Variants in IL1RAPL1 observed in about 807,000 individuals in gnomAD.
IL1RAPL1 encodes the protein interleukin-1 receptor accessory protein-like 1.
Under a neutral mutation model 48.4 loss-of-function variants are expected in IL1RAPL1, and 3 were observed. The observed-to-expected ratio is 0.06, with a 90% CI of 0.03 to 0.16. The LOEUF is 0.16. IL1RAPL1 is among the 10% of genes least tolerant of loss of function. IL1RAPL1 has a pLI of 1.00. For synonymous variants in IL1RAPL1, 185 were observed against 187.7 expected, an observed-to-expected ratio of 0.99 and a Z score of 0.12; for missense variants, 349 against 530.6, an observed-to-expected ratio of 0.66 and a Z score of 3.36.
chrX:28,795,467 T>C (rs1022944541), intron 2 of IL1RAPL1, among the ~76,000 whole-genome samples: 1 of 111,051 alleles, frequency 9.0e-6, no homozygotes, highest in Non-Finnish European at 1.9e-5. Context: ...TGAATACCAA[T>C]TGTGGAAAAT....
At chrX:28,912,120 T>A (rs1007197010) in intron 2 of IL1RAPL1, among the ~76,000 whole-genome samples, 1 of 107,334 alleles carries the variant, frequency 9.3e-6, no homozygotes, top group African/African-American at 3.4e-5. Context: ...GTATCCTAGA[T>A]AATTTTAAGG....
At chrX:29,531,674 G>A (rs747346108) in intron 5 of IL1RAPL1, among the ~76,000 whole-genome samples, 3 of 112,106 alleles carry the variant, frequency 2.7e-5, no homozygotes, top group East Asian at 2.8e-4. Context: ...AGTTTTGGAA[G>A]TCCAGAAGTC....
Position 29,746,944 on chromosome X carries a change from T to TA in IL1RAPL1, c.778+78448dup, listed in dbSNP as rs1048668149. ...CTTTACTAATCATGAAACCCTATAT[T>TA]AAAAAAAACAAAACAATAAACTATT... On this transcript the variant is annotated intron_variant, in intron 6 of 10. Transcript: ENST00000378993. Among the ~76,000 whole-genome samples the TA allele has an allele frequency of 5.4e-5, 6 of 111,496 alleles. No individual in the cohort carries two copies. In the South Asian group the frequency reaches 1.1e-3, roughly 21 times the overall value.
chrX:29,718,455 G>A (rs1310153679), intron 6 of IL1RAPL1, among the ~76,000 whole-genome samples: 1 of 107,296 alleles, frequency 9.3e-6, no homozygotes, highest in Non-Finnish European at 1.9e-5. Flanking sequence ...GGGCCTGTTT[G>A]GGGGGTGGGG....
chrX:28,903,424 C>CTT lies in IL1RAPL1; in HGVS notation c.82+114014_82+114015dup, dbSNP rs199661606. On this transcript the variant is annotated intron_variant, in intron 2 of 10. Transcript: ENST00000378993. Reference sequence around the variant, plus strand: ...CTTCAGTCATGTATTTTCTTTCTTTCTTTTTTTTTTTTTTTTGTTTTGATC... The same window carrying CTT: ...CTTCAGTCATGTATTTTCTTTCTTTCTTTTTTTTTTTTTTTTTTGTTTTGATC... Among the ~76,000 whole-genome samples the CTT allele has an allele frequency of 8.0e-3, 797 of 100,037 alleles. 8 individuals carry two copies. Among genetic ancestry groups the CTT allele is most frequent in the African/African-American group, 0.027 (729 of 27,036 alleles). 86.9% of individuals were successfully genotyped at this position (100,037 alleles called of 115,157 possible). A position where few individuals can be genotyped will look rare whatever the true frequency, so the allele number is the denominator to read the frequency against.
At chrX:29,894,909 A>G (rs1372343778) in intron 6 of IL1RAPL1, among the ~76,000 whole-genome samples, 4 of 110,073 alleles carry the variant, frequency 3.6e-5, no homozygotes, top group African/African-American at 1.3e-4. Context: ...GCTCACTGCA[A>G]CCTCTGCCTC....
chrX:29,884,434 T>A (rs1340404445), intron 6 of IL1RAPL1, among the ~76,000 whole-genome samples: 1 of 110,457 alleles, frequency 9.1e-6, no homozygotes, highest in Admixed American at 9.6e-5. Flanking sequence ...CACATTCTCT[T>A]AGTTTCCCTC....
intron 6 of IL1RAPL1, among the ~76,000 whole-genome samples, chrX:29,820,092 A>T (rs1292880346): frequency 9.3e-6 from 1 of 107,240 alleles, no homozygotes; most frequent in African/African-American, 3.3e-5. Flanking sequence ...ATAAATATAT[A>T]TCAACACTTA....
At chrX:29,116,596 A>C (rs2147473969) in intron 2 of IL1RAPL1, among the ~76,000 whole-genome samples, 1 of 111,964 alleles carries the variant, frequency 8.9e-6, no homozygotes, top group African/African-American at 3.2e-5. Context: ...GGAGAAAGAT[A>C]AAGAAATGCC....
rs188735600 is a variant in IL1RAPL1 at position 29,222,290 on chromosome X, C to T, written c.83-60648C>T. Among the ~76,000 whole-genome samples, 475 of 111,842 alleles carry T rather than the reference C, an allele frequency of 4.2e-3. 3 individuals carry two copies. The highest frequency in any genetic ancestry group is 0.014 in the African/African-American group (431 of 30,815). ...AGGCCACAAACGTTAGCTGAAACCT[C>T]ATTTCTGCCTAACTTCTATAAATAT... On this transcript the variant is annotated intron_variant, in intron 2 of 10. Coordinates refer to ENST00000378993, the MANE Select transcript of IL1RAPL1 (RefSeq NM_014271.4).
At chrX:29,018,805 T>A (rs1283384268) in intron 2 of IL1RAPL1, among the ~76,000 whole-genome samples, 1 of 111,802 alleles carries the variant, frequency 8.9e-6, no homozygotes, top group Non-Finnish European at 1.9e-5. Context: ...AACCACCACA[T>A]TTTTTGCCAG....
intron 1 of IL1RAPL1, among the ~76,000 whole-genome samples, chrX:28,776,427 C>A (rs1256698487): frequency 1.8e-5 from 2 of 111,966 alleles, no homozygotes; most frequent in Non-Finnish European, 3.8e-5. Flanking sequence ...GCAGGAACCT[C>A]AGATAGTGAA....
At chrX:28,803,576 C>T (rs1936697423) in intron 2 of IL1RAPL1, among the ~76,000 whole-genome samples, 1 of 111,544 alleles carries the variant, frequency 9.0e-6, no homozygotes, top group Non-Finnish European at 1.9e-5. Context: ...CGTTTTCAAA[C>T]GAAAGGCATA....
At chrX:29,583,899 G>C (rs5927841) in intron 5 of IL1RAPL1, among the ~76,000 whole-genome samples, 2 of 110,489 alleles carry the variant, frequency 1.8e-5, no homozygotes. Flanking sequence ...CAGGCACTCA[G>C]AAGTAATTGT....
chrX:29,913,442 A>T (rs1423550169), intron 6 of IL1RAPL1, among the ~76,000 whole-genome samples: 1 of 109,998 alleles, frequency 9.1e-6, no homozygotes, highest in African/African-American at 3.3e-5. Context: ...ATAAACACAC[A>T]TATATATACA....
At chrX:28,645,342 C>T (rs1393287358) in intron 1 of IL1RAPL1, among the ~76,000 whole-genome samples, 5 of 64,490 alleles carry the variant, frequency 7.8e-5, no homozygotes, top group African/African-American at 2.6e-4. Flanking sequence ...AGTGAAATTC[C>T]GCCTCAAAAA....
At chrX:29,081,944 C>T (rs989624220) in intron 2 of IL1RAPL1, among the ~76,000 whole-genome samples, 4 of 110,490 alleles carry the variant, frequency 3.6e-5, no homozygotes, top group African/African-American at 1.3e-4. Context: ...TGTGAATATC[C>T]AAAGTGCAGA....
intron 2 of IL1RAPL1, among the ~76,000 whole-genome samples, chrX:28,792,631 C>T (rs1256813194): frequency 7.9e-5 from 8 of 101,210 alleles, no homozygotes; most frequent in Non-Finnish European, 1.2e-4. Context: ...ACTAAAAATA[C>T]AAAAAAATTA....
chrX:29,564,003 C>T (rs1342455243), intron 5 of IL1RAPL1, among the ~76,000 whole-genome samples: 1 of 111,717 alleles, frequency 9.0e-6, no homozygotes, highest in Non-Finnish European at 1.9e-5. Context: ...ATAGAAAGGT[C>T]ATGGCTTTCC....
Sources: gnomAD v4.1 joint callset for allele counts (sites outside exome capture counted in the v4.1 genomes callset) on GRCh38, gnomAD v4.1.1 for gene constraint, MANE v1.5 for transcripts, NCBI Gene and HGNC (gene_info 2026-07-23, HGNC 2026-07-21) for gene names.